Variants in RYR2 observed in about 807,000 individuals in gnomAD.
RYR2 encodes ryanodine receptor 2.
RYR2 carries 227 observed loss-of-function variants against 601.1 expected under a neutral mutation model. The observed-to-expected ratio is 0.38, with a 90% CI of 0.34 to 0.42. RYR2 has a LOEUF of 0.42. Among genes scored for constraint, RYR2 ranks in the 10% least tolerant of loss-of-function variants. The pLI, the probability that RYR2 is intolerant of heterozygous loss-of-function variation, is 1.00. For missense variants in RYR2, 4,646 were observed against 6,156.5 expected, an observed-to-expected ratio of 0.75 and a Z score of 8.21; for synonymous variants, 2,223 against 2,175.1, an observed-to-expected ratio of 1.02 and a Z score of -0.61.
At chr1:237,666,933 C>T (rs1684378087) in intron 57 of RYR2, among the ~76,000 whole-genome samples, 1 of 151,814 alleles carries the variant, frequency 6.6e-6, no homozygotes, top group African/African-American at 2.4e-5. Flanking sequence ...AAAGTTGATA[C>T]AACTTTTTCT....
intron 45 of RYR2, among the ~76,000 whole-genome samples, chr1:237,638,762 A>G (rs1681137695): frequency 6.6e-6 from 1 of 152,226 alleles, no homozygotes. Flanking sequence ...ACATCATTCT[A>G]TAATAATAAC....
chr1:237,652,528 A>G (rs1332250870), intron 51 of RYR2, among the ~76,000 whole-genome samples: 1 of 152,228 alleles, frequency 6.6e-6, no homozygotes, highest in Non-Finnish European at 1.5e-5. Context: ...TAAAGAGTCT[A>G]TATGGAGCTG....
rs778989979 is a variant in RYR2 at position 237,678,049 on chromosome 1, T to C, written c.8832T>C (p.Asp2944=). The change falls in exon 61 of 105, where the codon GAT becomes GAC. Residue 2944 remains aspartate (D), a splice_region_variant and synonymous_variant. Coordinates refer to ENST00000366574, the MANE Select transcript of RYR2 (RefSeq NM_001035.3). Reference sequence around the variant, plus strand: ...CCTAAAAACTCTTCAAATCTACAGATGGTGGCAGCAGAGGCAAAGGAGAAC... The same window carrying C: ...CCTAAAAACTCTTCAAATCTACAGACGGTGGCAGCAGAGGCAAAGGAGAAC... ...DEAHQYILEF[D]GGSRGKGEHF... 1 of 1,595,564 alleles carries C rather than the reference T, an allele frequency of 6.3e-7. No homozygotes were observed. Among genetic ancestry groups the C allele is most frequent in the Non-Finnish European group, 8.6e-7 (1 of 1,164,502 alleles).
At chr1:237,797,981 T>C in intron 96 of RYR2, 56 bp from the exon 97 acceptor site, 5 of 1,478,038 alleles carry the variant, frequency 3.4e-6, no homozygotes, top group Non-Finnish European at 4.6e-6. Context: ...TACACACATA[T>C]AGATGATGTT....
At chr1:237,555,653 C>T (rs1670806859) in intron 27 of RYR2, among the ~76,000 whole-genome samples, 2 of 152,142 alleles carry the variant, frequency 1.3e-5, no homozygotes, top group South Asian at 4.1e-4. Flanking sequence ...TTAGAAGGAA[C>T]TCTGACAACA....
rs1675779289 is a variant in RYR2, at chr1:237,595,371, G to T, written c.4437-127G>T. 3.7e-6 allele frequency: 4 copies of T among 1,072,742 alleles called. No individual in the cohort carries two copies. The South Asian group carries it at 4.9e-5, about 13-fold the overall frequency. 66.5% of individuals were successfully genotyped at this position (1,072,742 alleles called of 1,614,324 possible). ...TCAGAATCACAGAATCGGGCCTATT[G>T]TGCACCTCTCCCATTACAGCATGAG... On this transcript the variant is annotated intron_variant, in intron 33 of 104. Coordinates refer to ENST00000366574, the MANE Select transcript of RYR2 (RefSeq NM_001035.3).
intron 10 of RYR2, among the ~76,000 whole-genome samples, chr1:237,395,486 C>T (rs1051580919): frequency 2.0e-5 from 3 of 150,000 alleles, no homozygotes; most frequent in Admixed American, 1.3e-4. Context: ...TAGTCATACA[C>T]GAACACAACC....
chr1:237,788,108 A>G lies in RYR2; in HGVS notation c.13449A>G (p.Lys4483=), dbSNP rs1008224442. 8.1e-6 allele frequency: 13 copies of G among 1,612,062 alleles called. No individual in the cohort carries two copies. The highest frequency in any genetic ancestry group is 1.1e-5 in the Non-Finnish European group (13 of 1,179,024). The change falls in exon 92 of 105, where the codon AAA becomes AAG. Residue 4483 remains lysine, a synonymous_variant. Transcript: ENST00000366574. ...TGCCAGAGTCAGCATTCTGGAAGAA[A>G]ATCATAGCATATCAACAGAAACTTC... is the stretch of plus-strand genomic sequence containing the variant. ...PEVPESAFWK[K]IIAYQQKLLN...
rs1055906213 is a variant in RYR2 at position 237,784,666 on chromosome 1, C to T, written c.12954C>T (p.Leu4318=). 3.7e-6 allele frequency: 6 copies of T among 1,612,758 alleles called. No homozygotes were observed. The highest frequency in any genetic ancestry group is 4.2e-6 in the Non-Finnish European group (5 of 1,179,410). The change falls in exon 90 of 105, where the codon CTC becomes CTT. Residue 4318 remains leucine (L), a synonymous_variant. Coordinates refer to ENST00000366574, the MANE Select transcript of RYR2 (RefSeq NM_001035.3). The surrounding 1 kb of genome is among the most constrained non-coding windows in gnomAD (Gnocchi z 7.1). ...GCAGCCTGCTGCTTGGGGGAAGCCT[C>T]GTCGAAGGTGCTAAAAAGATCAAAG... ...IICSLLLGGS[L]VEGAKKIKVA...
At chr1:237,441,722 A>G (rs1055980357) in intron 13 of RYR2, among the ~76,000 whole-genome samples, 15 of 152,108 alleles carry the variant, frequency 9.9e-5, no homozygotes, top group African/African-American at 3.4e-4. Context: ...GTGAAGAAAT[A>G]TACAGTGCCG....
chr1:237,066,391 G>T (rs1451216593), intron 1 of RYR2, among the ~76,000 whole-genome samples: 1 of 152,174 alleles, frequency 6.6e-6, no homozygotes, highest in Non-Finnish European at 1.5e-5. Flanking sequence ...TTGGTTGGTT[G>T]TAAGCTATGT....
chr1:237,588,157 A>G (rs944624961), intron 29 of RYR2, among the ~76,000 whole-genome samples: 1 of 152,132 alleles, frequency 6.6e-6, no homozygotes, highest in African/African-American at 2.4e-5. Context: ...TTTAACTAGA[A>G]ACTCATCATT....
In RYR2 at chr1:237,709,006, G is replaced by A. The variant is rs749492327; in HGVS notation, c.10050G>A (p.Glu3350=). The A allele has an allele frequency of 6.2e-7, 1 of 1,613,634 alleles. No homozygotes were observed. The highest frequency in any genetic ancestry group is 8.5e-7 in the Non-Finnish European group (1 of 1,179,648). ...CTGAGGCCAGGGGGGACATGTCGGA[G>A]GCAGAACTCCTCATCCTAGATGAGT... is the stretch of plus-strand genomic sequence containing the variant. ...LKAEARGDMS[E]AELLILDEFT... Residue 3350 remains glutamate (E), a synonymous_variant, in exon 69 of 105, where the codon GAG becomes GAA. Transcript: ENST00000366574.
chr1:237,822,703 C>A (rs1427329664), intron 101 of RYR2, among the ~76,000 whole-genome samples: 1 of 152,118 alleles, frequency 6.6e-6, no homozygotes, highest in East Asian at 1.9e-4. Flanking sequence ...TGTAAACAGG[C>A]TAAATGCCCA....
intron 62 of RYR2, among the ~76,000 whole-genome samples, chr1:237,684,122 G>A (rs192360220): frequency 8.6e-5 from 13 of 151,608 alleles, no homozygotes; most frequent in Non-Finnish European, 1.8e-4. Context: ...TTTTAGTAGA[G>A]ATAGGGTTTC....
intron 37 of RYR2, 76 bp from the exon 38 acceptor site, chr1:237,617,210 A>T: frequency 7.5e-7 from 1 of 1,329,946 alleles, no homozygotes; most frequent in Non-Finnish European, 1.0e-6. Context: ...AAGGATGTTT[A>T]CCACAGATTA....
intron 69 of RYR2, among the ~76,000 whole-genome samples, 164 bp downstream of exon 69, chr1:237,709,262 C>T (rs1688628673): frequency 6.6e-6 from 1 of 152,082 alleles, no homozygotes; most frequent in African/African-American, 2.4e-5. Context: ...ATTAAAACAC[C>T]TTAAAATCAA....
At chr1:237,286,191 G>C (rs980003756) in intron 2 of RYR2, among the ~76,000 whole-genome samples, 50 of 152,046 alleles carry the variant, frequency 3.3e-4, no homozygotes, top group Admixed American at 7.9e-4. Flanking sequence ...CACCTTTGCA[G>C]TATTTCAGAG....
At chr1:237,635,523 C>T (rs534732584) in intron 44 of RYR2, among the ~76,000 whole-genome samples, 2 of 152,158 alleles carry the variant, frequency 1.3e-5, no homozygotes, top group African/African-American at 2.4e-5. Flanking sequence ...GGATACTAAG[C>T]CACACATGTG....
Sources: allele counts gnomAD v4.1 joint callset (sites outside exome capture counted in the v4.1 genomes callset), GRCh38; gene constraint gnomAD v4.1.1; non-coding constraint Gnocchi (gnomAD v3.1); transcripts MANE v1.5; gene names NCBI Gene and HGNC (gene_info 2026-07-23, HGNC 2026-07-21).